Variants in USP13 observed in about 807,000 individuals in gnomAD.
USP13 encodes ubiquitin specific peptidase 13, also known as ubiquitin carboxyl-terminal hydrolase 13.
A neutral mutation model predicts 107.8 loss-of-function variants in USP13; 68 were observed. The observed-to-expected ratio is 0.63, with a 90% CI of 0.52 to 0.77. USP13 has a LOEUF of 0.77. Among genes scored for constraint, USP13 ranks in the 30% least tolerant of loss-of-function variants. The pLI, the probability that USP13 is intolerant of heterozygous loss-of-function variation, is 0.00. For missense variants in USP13, 945 were observed against 1,093.3 expected, an observed-to-expected ratio of 0.86 and a Z score of 1.91; for synonymous variants, 377 against 389.5, an observed-to-expected ratio of 0.97 and a Z score of 0.38.
chr3:179,696,328 A>ATT (rs4041265), intron 3 of USP13, among the ~76,000 whole-genome samples: 84,814 of 117,582 alleles, frequency 0.72, 32,371 homozygotes, highest in Non-Finnish European at 0.77. Flanking sequence ...GCCATTAGGC[A>ATT]TTTTTTTTTT....
intron 19 of USP13, among the ~76,000 whole-genome samples, chr3:179,766,946 C>A (rs16830819): frequency 0.016 from 2,397 of 152,288 alleles, 63 homozygotes; most frequent in East Asian, 0.082. Context: ...ACTCCCTATA[C>A]CTGCAGCTGA....
intron 14 of USP13, among the ~76,000 whole-genome samples, chr3:179,753,870 T>A (rs982583134): frequency 2.6e-5 from 4 of 152,184 alleles, no homozygotes; most frequent in African/African-American, 7.2e-5. Flanking sequence ...TGACAGGGTA[T>A]TAGTCTGACA....
chr3:179,695,806 T>C (rs991700638), intron 3 of USP13, among the ~76,000 whole-genome samples: 5 of 152,178 alleles, frequency 3.3e-5, no homozygotes, highest in African/African-American at 1.2e-4. Flanking sequence ...CGATTGTCTA[T>C]ACATAAGTAA....
intron 2 of USP13, among the ~76,000 whole-genome samples, chr3:179,686,731 G>A (rs779666797): frequency 7.9e-5 from 12 of 152,254 alleles, no homozygotes; most frequent in Non-Finnish European, 1.5e-4. Context: ...GTCTGATCTT[G>A]TTAATCCACT....
chr3:179,737,249 A>G (rs1714025027), intron 10 of USP13, among the ~76,000 whole-genome samples: 1 of 152,158 alleles, frequency 6.6e-6, no homozygotes, highest in Non-Finnish European at 1.5e-5. Flanking sequence ...TAGCTTTGTG[A>G]CCCTGGACTT....
In USP13 at chr3:179,760,966, C is replaced by T. The variant is rs140337817; in HGVS notation, c.1949-146C>T. 53 of 1,048,958 alleles carry T rather than the reference C, an allele frequency of 5.1e-5. No homozygotes were observed. In the Admixed American group the frequency reaches 7.6e-4, roughly 15 times the overall value. The allele number at this position is 1,048,958 out of a possible 1,614,324, so 65.0% of individuals were successfully genotyped here. The stretch of plus-strand genomic sequence containing the variant: ...GCTTTAATATTTGTGTGGCTTAAAA[C>T]AAAACTAAACAAAGTAAAACCATTA... On this transcript the variant is annotated intron_variant, in intron 16 of 20. Coordinates refer to ENST00000263966, the MANE Select transcript of USP13 (RefSeq NM_003940.3).
In USP13 at chr3:179,785,227, G is replaced by GT. The variant is rs1264099492; in HGVS notation, c.*1091dup. ...GCTCTTTATCTGCCTCCGTTTCCTT[G>GT]TTTTTCTGGGGCCAGAGTCTCATCT... On this transcript the variant is annotated 3_prime_UTR_variant, in exon 21 of 21. Transcript: ENST00000263966. 1 of 152,122 alleles carries GT rather than the reference G, an allele frequency of 6.6e-6. No individual in the cohort carries two copies. The highest frequency in any genetic ancestry group is 1.5e-5 in the Non-Finnish European group (1 of 68,038). 9.4% of individuals were successfully genotyped at this position (152,122 alleles called of 1,614,324 possible).
intron 16 of USP13, among the ~76,000 whole-genome samples, chr3:179,758,569 G>A (rs1202521143): frequency 6.6e-6 from 1 of 151,760 alleles, no homozygotes; most frequent in Non-Finnish European, 1.5e-5. Context: ...CGCGATCTCG[G>A]CTCACTGCAA....
intron 19 of USP13, among the ~76,000 whole-genome samples, chr3:179,775,209 G>A (rs902346613): frequency 1.3e-5 from 2 of 151,862 alleles, no homozygotes; most frequent in Non-Finnish European, 2.9e-5. Context: ...GCTAGACACA[G>A]CATGCTGATC....
intron 1 of USP13, among the ~76,000 whole-genome samples, chr3:179,666,127 T>C (rs1203232795): frequency 6.6e-6 from 1 of 152,036 alleles, no homozygotes; most frequent in East Asian, 1.9e-4. Flanking sequence ...GAAGGCAAGG[T>C]TGAATCCTCT....
rs776397871 is a variant in USP13 at position 179,764,020 on chromosome 3, C to T, written c.2111C>T (p.Thr704Ile). The stretch of plus-strand genomic sequence containing the variant: ...TTCTCAGATTTTGCTGAGCCGCTGA[C>T]CATGCCTGGTTATGGAGGGGCAGCT... ...MEEPDFAEPL[T>I]MPGYGGAASA... The change falls in exon 18 of 21, where the codon ACC becomes ATC. Residue 704 changes from threonine to isoleucine, a missense_variant. By Grantham distance (89) the Thr-to-Ile change is moderately conservative (BLOSUM62 -1). Transcript: ENST00000263966. 3 of 1,612,882 alleles carry T rather than the reference C, an allele frequency of 1.9e-6. No individual in the cohort carries two copies. The South Asian group carries it at 3.3e-5, about 18-fold the overall frequency.
intron 16 of USP13, among the ~76,000 whole-genome samples, chr3:179,760,530 G>A (rs1017651860): frequency 1.8e-4 from 28 of 152,100 alleles, no homozygotes; most frequent in Admixed American, 7.2e-4. Flanking sequence ...TAATCCGCCC[G>A]CCTCGGCCTC....
At chr3:179,768,275 T>C (rs1227721536) in intron 19 of USP13, among the ~76,000 whole-genome samples, 1 of 152,204 alleles carries the variant, frequency 6.6e-6, no homozygotes, top group Non-Finnish European at 1.5e-5. Context: ...TAGGGTTTCC[T>C]TTCTTCTGAT....
chr3:179,731,238 C>G (rs1713794926), intron 10 of USP13, among the ~76,000 whole-genome samples: 1 of 152,142 alleles, frequency 6.6e-6, no homozygotes, highest in African/African-American at 2.4e-5. Flanking sequence ...TGGTGAAACC[C>G]TGTCTCTACT....
intron 1 of USP13, among the ~76,000 whole-genome samples, chr3:179,674,829 AT>A (rs1422665754): frequency 1.3e-5 from 2 of 152,120 alleles, no homozygotes. Flanking sequence ...TTGTTTTAAT[AT>A]GCCTACTTAA....
chr3:179,737,109 A>G (rs1270224493), intron 10 of USP13, among the ~76,000 whole-genome samples: 1 of 151,586 alleles, frequency 6.6e-6, no homozygotes, highest in African/African-American at 2.4e-5. Flanking sequence ...AGGGTTATGC[A>G]GACTCTTGAT....
chr3:179,746,738 G>GT (rs1192243286), intron 13 of USP13, among the ~76,000 whole-genome samples: 6 of 151,624 alleles, frequency 4.0e-5, no homozygotes, highest in South Asian at 4.2e-4. Context: ...GCCAATTTTT[G>GT]TTTTTTTAGT....
At chr3:179,765,108 A>G (rs955403510) in intron 18 of USP13, among the ~76,000 whole-genome samples, 1 of 152,228 alleles carries the variant, frequency 6.6e-6, no homozygotes, top group African/African-American at 2.4e-5. Flanking sequence ...TTTTATGGTC[A>G]ATTAGTTTGA....
At position 179,784,227 on chromosome 3, in the gene USP13, C is replaced by A; in HGVS notation, c.*86C>A. On this transcript the variant is annotated 3_prime_UTR_variant, in exon 21 of 21. Coordinates refer to ENST00000263966, the MANE Select transcript of USP13 (RefSeq NM_003940.3). ...AAAGAAGAAGAAGAAGTTGAAACAA[C>A]TAGACATGAAGGAATATATGGGGTA... is the stretch of plus-strand genomic sequence containing the variant. 9.2e-7 allele frequency: 1 copy of A among 1,084,182 alleles called. No homozygotes were observed. Among genetic ancestry groups the A allele is most frequent in the South Asian group, 1.4e-5 (1 of 69,342 alleles). 67.2% of individuals were successfully genotyped at this position (1,084,182 alleles called of 1,614,324 possible).
Sources: allele counts gnomAD v4.1 joint callset (sites outside exome capture counted in the v4.1 genomes callset), GRCh38; gene constraint gnomAD v4.1.1; transcripts MANE v1.5; gene names NCBI Gene and HGNC (gene_info 2026-07-23, HGNC 2026-07-21).